The following ANO10 variants were observed in gnomAD, a reference collection of about 807,000 sequenced individuals.
ANO10 encodes the protein anoctamin 10.
In ANO10, 77 loss-of-function variants were observed where a neutral mutation model predicts 74.7. That is an observed-to-expected ratio of 1.03 (90% CI 0.86 to 1.25). The LOEUF (loss-of-function observed/expected upper bound fraction) is 1.25. Ranked by LOEUF, ANO10 falls within the 50% of genes most tolerant of loss-of-function variation. The probability of loss-of-function intolerance (pLI) is 0.00; values close to 1 mark genes in which losing one functional copy is unlikely to be tolerated. For missense variants in ANO10, 721 were observed against 778.1 expected (o/e 0.93, Z 0.87); for synonymous variants, 279 against 284.9 (o/e 0.98, Z 0.21).
At chr3:43,510,877 T>C (rs1575304511) in intron 11 of ANO10, among the ~76,000 whole-genome samples, 1 of 152,194 alleles carries the variant, frequency 6.6e-6, no homozygotes, top group East Asian at 1.9e-4. Context: ...CTGTATGCTA[T>C]TCATATCTCC....
At chr3:43,379,226 G>A (rs1047136432) in intron 12 of ANO10, among the ~76,000 whole-genome samples, 4 of 152,222 alleles carry the variant, frequency 2.6e-5, no homozygotes, top group African/African-American at 9.6e-5. Flanking sequence ...ACTACCAACA[G>A]ACTGTCTTTC....
chr3:43,378,200 G>A (rs2091863588), intron 12 of ANO10, among the ~76,000 whole-genome samples: 1 of 152,192 alleles, frequency 6.6e-6, no homozygotes, highest in Admixed American at 6.5e-5. Flanking sequence ...ACTGCCAGTG[G>A]CCACAAGGAA....
At chr3:43,612,181 T>G in intron 1 of ANO10, among the ~76,000 whole-genome samples, 1 of 117,662 alleles carries the variant, frequency 8.5e-6, no homozygotes, top group Admixed American at 8.7e-5. Context: ...TATATATATA[T>G]ATATGCCCAA....
At chr3:43,457,605 T>C (rs1360201061) in intron 11 of ANO10, among the ~76,000 whole-genome samples, 1 of 152,128 alleles carries the variant, frequency 6.6e-6, no homozygotes, top group Non-Finnish European at 1.5e-5. Flanking sequence ...CACGGGTCCC[T>C]CCCTCAATAT....
intron 12 of ANO10, among the ~76,000 whole-genome samples, chr3:43,430,313 CTT>C (rs535916109): frequency 7.2e-6 from 1 of 139,390 alleles, no homozygotes; most frequent in Non-Finnish European, 1.6e-5. Flanking sequence ...TTTACTTTAT[CTT>C]TTTTTTTTTA....
At chr3:43,404,199 C>T (rs2092534033) in intron 12 of ANO10, among the ~76,000 whole-genome samples, 1 of 152,160 alleles carries the variant, frequency 6.6e-6, no homozygotes, top group African/African-American at 2.4e-5. Flanking sequence ...AGCAGAGAGA[C>T]TCTTTATAGG....
intron 1 of ANO10, among the ~76,000 whole-genome samples, chr3:43,614,771 CTATATATATATATATATA>C (rs61084802): frequency 0.015 from 806 of 52,702 alleles, 40 homozygotes; most frequent in African/African-American, 0.038. Flanking sequence ...GAAAACTAAA[CTATATATATATATATATA>C]TATATATATA....
At chr3:43,585,847 T>C (rs1233570187) in intron 4 of ANO10, among the ~76,000 whole-genome samples, 1 of 152,188 alleles carries the variant, frequency 6.6e-6, no homozygotes, top group African/African-American at 2.4e-5. Flanking sequence ...CTACAGAATG[T>C]GGAAATCCTG....
intron 11 of ANO10, among the ~76,000 whole-genome samples, chr3:43,517,886 C>T (rs2077778491): frequency 6.6e-6 from 1 of 152,182 alleles, no homozygotes. Context: ...TTTGTAAACA[C>T]CTTCCATTTC....
intron 11 of ANO10, among the ~76,000 whole-genome samples, chr3:43,493,321 T>C (rs2076797991): frequency 6.6e-6 from 1 of 152,136 alleles, no homozygotes; most frequent in Non-Finnish European, 1.5e-5. Context: ...AAACACCTAA[T>C]GTAGGTGACA....
At chr3:43,617,509 A>G (rs1415016562) in intron 1 of ANO10, among the ~76,000 whole-genome samples, 1 of 152,142 alleles carries the variant, frequency 6.6e-6, no homozygotes, top group Non-Finnish European at 1.5e-5. Flanking sequence ...AGACCTACAA[A>G]TAAGTTAAAT....
chr3:43,652,297 T>C (rs2083796860), intron 1 of ANO10, among the ~76,000 whole-genome samples: 1 of 152,166 alleles, frequency 6.6e-6, no homozygotes, highest in Non-Finnish European at 1.5e-5. Flanking sequence ...GGCATAAGGA[T>C]AGATATATAT....
Position 43,483,784 on chromosome 3 carries a change from T to C in ANO10, c.1798-51057A>G, listed in dbSNP as rs146109768. Among the ~76,000 whole-genome samples, 719 of 152,284 alleles carry C rather than the reference T, an allele frequency of 4.7e-3. 6 individuals carry two copies. Among genetic ancestry groups the C allele is most frequent in the African/African-American group, 0.017 (691 of 41,548 alleles). On this transcript the variant is annotated intron_variant, in intron 11 of 12. Coordinates refer to ENST00000292246, the MANE Select transcript of ANO10 (RefSeq NM_018075.5). The stretch of plus-strand genomic sequence containing the variant: ...TACATGGAAGGTGTACATTGGTTCA[T>C]CCTAAAGAGGTAGGATACCTTGAAA...
At chr3:43,495,212 AAAAAT>A (rs1261565795) in intron 11 of ANO10, among the ~76,000 whole-genome samples, 1 of 152,122 alleles carries the variant, frequency 6.6e-6, no homozygotes, top group Non-Finnish European at 1.5e-5. Context: ...ACTTCAAAAC[AAAAAT>A]AATTTTAAAA....
chr3:43,618,163 G>A (rs1394042756), intron 1 of ANO10: 1 of 152,286 alleles, frequency 6.6e-6, no homozygotes, highest in African/African-American at 2.4e-5. Flanking sequence ...TACTATAACA[G>A]TTTCTCAGTA....
intron 11 of ANO10, among the ~76,000 whole-genome samples, chr3:43,495,421 G>T (rs1446352848): frequency 1.3e-5 from 2 of 152,036 alleles, no homozygotes; most frequent in Non-Finnish European, 2.9e-5. Flanking sequence ...TGTGATATAT[G>T]CCAGAGACAA....
At chr3:43,414,466 T>C (rs1310967828) in intron 12 of ANO10, among the ~76,000 whole-genome samples, 1 of 152,156 alleles carries the variant, frequency 6.6e-6, no homozygotes. Flanking sequence ...CAAGCTTGAG[T>C]CCCAAAAGAG....
chr3:43,468,207 G>A (rs1282684601), intron 11 of ANO10, among the ~76,000 whole-genome samples: 1 of 152,118 alleles, frequency 6.6e-6, no homozygotes, highest in Admixed American at 6.6e-5. Flanking sequence ...CTGGTAGGTG[G>A]GTAATCCTTA....
chr3:43,664,567 C>T (rs1055097347), intron 1 of ANO10, among the ~76,000 whole-genome samples: 1 of 152,028 alleles, frequency 6.6e-6, no homozygotes, highest in African/African-American at 2.4e-5. Flanking sequence ...TGCACAGCAA[C>T]AGAAACTATC....
Sources: allele counts gnomAD v4.1 joint callset (sites outside exome capture counted in the v4.1 genomes callset), GRCh38; gene constraint gnomAD v4.1.1; transcripts MANE v1.5; gene names NCBI Gene and HGNC (gene_info 2026-07-23, HGNC 2026-07-21).